The following DNMBP variants were observed in gnomAD, a reference collection of about 807,000 sequenced individuals.
The protein encoded by DNMBP is dynamin binding protein, also known as dynamin-binding protein.
Under a neutral mutation model 150.0 loss-of-function variants are expected in DNMBP, and 87 were observed. The observed-to-expected ratio is 0.58, with a 90% CI of 0.49 to 0.69. The LOEUF is 0.69. Among genes scored for constraint, DNMBP ranks in the 30% least tolerant of loss-of-function variants. The probability of loss-of-function intolerance (pLI) is 0.00; values close to 1 mark genes in which losing one functional copy is unlikely to be tolerated. For synonymous variants in DNMBP, 711 were observed against 750.4 expected (o/e 0.95, Z 0.86); for missense variants, 1,774 against 1,949.0 (o/e 0.91, Z 1.69).
At chr10:99,995,694 T>C (rs918391314) in intron 1 of DNMBP, among the ~76,000 whole-genome samples, 1 of 152,204 alleles carries the variant, frequency 6.6e-6, no homozygotes, top group African/African-American at 2.4e-5. Context: ...TGTCTTATGA[T>C]GGACAGAAAT....
In DNMBP at chr10:99,969,233, T is replaced by C. The variant is rs780850731; in HGVS notation, c.150A>G (p.Gln50=). 4 of 1,613,992 alleles carry C rather than the reference T, an allele frequency of 2.5e-6. No individual in the cohort carries two copies. Among genetic ancestry groups the C allele is most frequent in the Non-Finnish European group, 3.4e-6 (4 of 1,179,932 alleles). The change falls in exon 3 of 17, where the codon CAA becomes CAG. Residue 50 remains glutamine, a synonymous_variant. Coordinates refer to ENST00000324109, the MANE Select transcript of DNMBP (RefSeq NM_015221.4). ...LLGKKEDVTG[Q]FPSSFVEIVT... Reference sequence around the variant, plus strand: ...CAATTTCCACAAAACTGCTGGGGAATTGTCCTGAAAATAAAAGCAAACATA... The same window carrying C: ...CAATTTCCACAAAACTGCTGGGGAACTGTCCTGAAAATAAAAGCAAACATA...
chr10:99,883,459 T>C (rs928224665), intron 15 of DNMBP, among the ~76,000 whole-genome samples: 1 of 151,632 alleles, frequency 6.6e-6, no homozygotes, highest in South Asian at 2.1e-4. Flanking sequence ...AGCCTAGAAG[T>C]TGGAGACCAG....
At position 99,877,088 on chromosome 10, in the gene DNMBP, C is replaced by CGGACTGGTTCTCGG; in HGVS notation, c.*62_*63insCCGAGAACCAGTCC. On this transcript the variant is annotated 3_prime_UTR_variant, in exon 17 of 17. Transcript: ENST00000324109. ...CAGGAGCAGGCGCCCTCTCGGTGGG[C>CGGACTGGTTCTCGG]CGCCAGAACCCTCGGCGGACTGAAA... 1 of 1,422,760 alleles carries CGGACTGGTTCTCGG rather than the reference C, an allele frequency of 7.0e-7. No individual in the cohort carries two copies. The allele number at this position is 1,422,760 out of a possible 1,614,324, so 88.1% of individuals were successfully genotyped here.
chr10:99,913,959 T>C, intron 4 of DNMBP: 1 of 1,400,648 alleles, frequency 7.1e-7, no homozygotes, highest in Non-Finnish European at 9.3e-7. Context: ...CTACCTGCAG[T>C]GCCCAGAGCT....
intron 1 of DNMBP, among the ~76,000 whole-genome samples, chr10:99,977,200 G>T (rs933780059): frequency 3.9e-5 from 6 of 152,170 alleles, no homozygotes; most frequent in African/African-American, 7.2e-5. Flanking sequence ...GGGTACTGAA[G>T]TCACGGCCTC....
At chr10:99,902,773 C>G (rs1282941681) in intron 6 of DNMBP, among the ~76,000 whole-genome samples, 1 of 151,290 alleles carries the variant, frequency 6.6e-6, no homozygotes, top group South Asian at 2.1e-4. Context: ...ACTAAAAATA[C>G]AAAAATTAGC....
intron 4 of DNMBP, chr10:99,913,876 CA>C: frequency 7.9e-7 from 1 of 1,261,468 alleles, no homozygotes; most frequent in Non-Finnish European, 1.0e-6. Flanking sequence ...GGCCAGATCC[CA>C]GGTGCCCTTG....
chr10:99,918,713 C>G (rs1024192647), intron 4 of DNMBP, among the ~76,000 whole-genome samples: 3 of 151,876 alleles, frequency 2.0e-5, no homozygotes, highest in African/African-American at 7.3e-5. Flanking sequence ...ATTACAGGCA[C>G]CTGCCACTAC....
intron 4 of DNMBP, among the ~76,000 whole-genome samples, chr10:99,937,711 C>T (rs1057422383): frequency 6.6e-6 from 1 of 152,216 alleles, no homozygotes; most frequent in South Asian, 2.1e-4. Flanking sequence ...CTCAGCTGGG[C>T]CTCACCAGCC....
At chr10:99,897,514 C>A (rs534361377) in intron 9 of DNMBP, among the ~76,000 whole-genome samples, 16 of 152,320 alleles carry the variant, frequency 1.1e-4, no homozygotes, top group Admixed American at 2.0e-4. Flanking sequence ...ATAAAACTTC[C>A]CATCACCTAG....
At position 99,880,057 on chromosome 10, in the gene DNMBP, G is replaced by A. The variant is rs371114313; in HGVS notation, c.4302C>T (p.Cys1434=). Residue 1434 remains cysteine, a synonymous_variant, in exon 16 of 17, where the codon TGC becomes TGT. Coordinates refer to ENST00000324109, the MANE Select transcript of DNMBP (RefSeq NM_015221.4). The part of the protein sequence containing the change: ...PSNSESSPSR[C]PSDPDSTSQP... ...GGGAGGTGGAGTCTGGGTCTGAAGG[G>A]CATCTGGAAGGACTACTCTCTGAAT... The A allele has an allele frequency of 1.9e-5, 30 of 1,614,062 alleles. No homozygotes were observed. In the African/African-American group the frequency reaches 2.4e-4, roughly 13 times the overall value.
intron 4 of DNMBP, among the ~76,000 whole-genome samples, chr10:99,909,686 A>C (rs1462340508): frequency 6.6e-6 from 1 of 152,210 alleles, no homozygotes; most frequent in African/African-American, 2.4e-5. Context: ...GTAGGTCAAC[A>C]CTAGCATATA....
chr10:99,930,310 A>G (rs1466706081), intron 4 of DNMBP: 2 of 702,906 alleles, frequency 2.8e-6, no homozygotes, highest in Admixed American at 2.0e-5. Flanking sequence ...GCTTTTTTAG[A>G]GTCCTCAGGA....
At chr10:99,895,086 G>A (rs2133220037) in intron 10 of DNMBP, 36 bp from the exon 11 acceptor site, 3 of 1,295,642 alleles carry the variant, frequency 2.3e-6, no homozygotes, top group Non-Finnish European at 3.3e-6. Context: ...TAGCAAATCT[G>A]GACACTCCTT....
intron 4 of DNMBP, chr10:99,930,766 T>C (rs2040145689): frequency 3.1e-6 from 2 of 651,358 alleles, no homozygotes; most frequent in Non-Finnish European, 5.5e-6. Context: ...TCACACATAT[T>C]CTATGTGCTT....
At chr10:99,990,633 A>C (rs1403996010) in intron 1 of DNMBP, among the ~76,000 whole-genome samples, 1 of 151,618 alleles carries the variant, frequency 6.6e-6, no homozygotes, top group Non-Finnish European at 1.5e-5. Context: ...AAGGACAAGA[A>C]AGACAGTGTG....
chr10:100,000,859 CAA>C (rs36026874), intron 1 of DNMBP, among the ~76,000 whole-genome samples: 3,116 of 52,304 alleles, frequency 0.06, 96 homozygotes, highest in African/African-American at 0.13. Flanking sequence ...CCTGTTATGG[CAA>C]AAAAAAAAAA....
chr10:99,947,491 A>G (rs1308614706), intron 4 of DNMBP, among the ~76,000 whole-genome samples: 1 of 149,878 alleles, frequency 6.7e-6, no homozygotes, highest in South Asian at 2.2e-4. Flanking sequence ...GTTTTCACTT[A>G]TAAGTGGGAG....
At chr10:99,935,810 G>A (rs1157758956) in intron 4 of DNMBP, among the ~76,000 whole-genome samples, 2 of 152,102 alleles carry the variant, frequency 1.3e-5, no homozygotes, top group South Asian at 2.1e-4. Flanking sequence ...GTGATCCTGC[G>A]CACCTCGGCC....
Sources: allele counts gnomAD v4.1 joint callset (sites outside exome capture counted in the v4.1 genomes callset), GRCh38; gene constraint gnomAD v4.1.1; transcripts MANE v1.5; gene names NCBI Gene and HGNC (gene_info 2026-07-23, HGNC 2026-07-21).